DNAH12: variants seen among roughly 807,000 people sequenced by gnomAD.
The protein encoded by DNAH12 is axonemal beta dynein heavy chain 12.
DNAH12 carries 285 observed loss-of-function variants against 371.5 expected under a neutral mutation model. That is an observed-to-expected ratio of 0.77 (90% CI 0.70 to 0.85). DNAH12 has a LOEUF of 0.85. DNAH12 is among the 40% of genes least tolerant of loss of function. The pLI is 0.00. For synonymous variants in DNAH12, 1,200 were observed against 1,213.0 expected, an observed-to-expected ratio of 0.99 and a Z score of 0.22; for missense variants, 3,611 against 3,689.4, an observed-to-expected ratio of 0.98 and a Z score of 0.55.
At chr3:57,354,960 G>C in intron 59 of DNAH12, among the ~76,000 whole-genome samples, 1 of 152,144 alleles carries the variant, frequency 6.6e-6, no homozygotes, top group East Asian at 1.9e-4. Context: ...TGGTTGCCAA[G>C]GGTTACGGAA....
chr3:57,502,603 G>A (rs1049547307), intron 9 of DNAH12, 124 bp from the exon 10 acceptor site: 27 of 1,001,914 alleles, frequency 2.7e-5, no homozygotes, highest in African/African-American at 3.3e-5. Flanking sequence ...AGGTTGGAGC[G>A]CATTGGTGCG....
At chr3:57,336,881 T>G (rs1156258244) in intron 60 of DNAH12, among the ~76,000 whole-genome samples, 1 of 152,186 alleles carries the variant, frequency 6.6e-6, no homozygotes, top group Non-Finnish European at 1.5e-5. Flanking sequence ...AATCCTAAAT[T>G]ACTTGAGCAG....
chr3:57,394,664 A>G (rs2063700126), intron 43 of DNAH12, among the ~76,000 whole-genome samples: 1 of 152,236 alleles, frequency 6.6e-6, no homozygotes, highest in Non-Finnish European at 1.5e-5. Context: ...GAATATATAA[A>G]GGCCAGTAAC....
chr3:57,555,313 C>G, the DNAH12 span, among the ~76,000 whole-genome samples: 1 of 152,184 alleles, frequency 6.6e-6, no homozygotes, highest in Non-Finnish European at 1.5e-5. Context: ...TATTCCTTAT[C>G]TGAAATTGAA....
At chr3:57,466,234 A>C (rs2066199568) in intron 17 of DNAH12, among the ~76,000 whole-genome samples, 1 of 152,210 alleles carries the variant, frequency 6.6e-6, no homozygotes, top group African/African-American at 2.4e-5. Context: ...GTAAAAAGAT[A>C]GAAGGATAAG....
At chr3:57,316,296 C>T (rs1420310471) in intron 65 of DNAH12, among the ~76,000 whole-genome samples, 2 of 152,112 alleles carry the variant, frequency 1.3e-5, no homozygotes, top group Admixed American at 6.5e-5. Flanking sequence ...AACTCCTTAG[C>T]AAGGCATGTA....
Position 57,542,808 on chromosome 3 carries a change from G to T in DNAH12, c.63C>A (p.Pro21=). Residue 21 remains proline (P), a synonymous_variant, in exon 2 of 74, where the codon CCC becomes CCA. Transcript: ENST00000495027. ...TGTTTTCTGGGAGATGGACAATGGGGGGTAACTTCAAGTTCAGAGCTTCCT... is the reference window on the plus strand; with the variant it reads ...TGTTTTCTGGGAGATGGACAATGGGTGGTAACTTCAAGTTCAGAGCTTCCT... ...AEKEALNLKL[P]PIVHLPENIG... 1 of 1,608,052 alleles carries T rather than the reference G, an allele frequency of 6.2e-7. No homozygotes were observed. Among genetic ancestry groups the T allele is most frequent in the African/African-American group, 1.3e-5 (1 of 74,264 alleles).
intron 22 of DNAH12, among the ~76,000 whole-genome samples, 171 bp from the exon 23 acceptor site, chr3:57,455,065 T>C (rs1052552200): frequency 6.6e-6 from 1 of 152,104 alleles, no homozygotes; most frequent in African/African-American, 2.4e-5. Context: ...TAAATTATTA[T>C]TATGTTTTTG....
intron 65 of DNAH12, among the ~76,000 whole-genome samples, chr3:57,321,386 A>C (rs557098196): frequency 6.6e-6 from 1 of 152,296 alleles, no homozygotes; most frequent in African/African-American, 2.4e-5. Context: ...TTTCTAGCTC[A>C]AACATGAAAA....
rs1211815764 is a variant in DNAH12, at chr3:57,389,798, ATGTG to A, written c.7305+2070_7305+2073del. ...TATACATATAAATATATATACACAT[ATGTG>A]TGTGTGTGTGTGTGTGTGTGTATAT... On this transcript the variant is annotated intron_variant, in intron 45 of 73. Transcript: ENST00000495027. Among the ~76,000 whole-genome samples, 150 of 92,544 alleles carry A rather than the reference ATGTG, an allele frequency of 1.6e-3. 6 individuals carry two copies. Among genetic ancestry groups the A allele is most frequent in the South Asian group, 9.2e-3 (23 of 2,502 alleles). 60.7% of individuals were successfully genotyped at this position (92,544 alleles called of 152,430 possible). A position where few individuals can be genotyped will look rare whatever the true frequency, so the allele number is the denominator to read the frequency against.
intron 4 of DNAH12, among the ~76,000 whole-genome samples, chr3:57,516,053 CTTTTTTTTTTTTTTT>C (rs11395278): frequency 1.4e-5 from 1 of 71,964 alleles, no homozygotes; most frequent in Non-Finnish European, 2.4e-5. Flanking sequence ...ACTGCTTAGT[CTTTTTTTTTTTTTTT>C]TTTTTTTTTT....
intron 25 of DNAH12, among the ~76,000 whole-genome samples, chr3:57,452,012 C>T (rs925935831): frequency 6.6e-6 from 1 of 152,164 alleles, no homozygotes; most frequent in African/African-American, 2.4e-5. Flanking sequence ...GTGTGCTTTA[C>T]CCCCTTTCGT....
chr3:57,474,647 G>C (rs2066467433), intron 13 of DNAH12, among the ~76,000 whole-genome samples: 1 of 151,748 alleles, frequency 6.6e-6, no homozygotes, highest in South Asian at 2.1e-4. Context: ...TGAGCAATGG[G>C]TATTAAATTA....
At chr3:57,479,446 A>G (rs1424103872) in intron 13 of DNAH12, among the ~76,000 whole-genome samples, 1 of 152,204 alleles carries the variant, frequency 6.6e-6, no homozygotes, top group Non-Finnish European at 1.5e-5. Flanking sequence ...CTAGAAAGAG[A>G]CCTAGACTCC....
intron 30 of DNAH12, 25 bp from the exon 31 acceptor site, chr3:57,433,853 A>C (rs770109009): frequency 6.7e-7 from 1 of 1,484,372 alleles, no homozygotes; most frequent in Non-Finnish European, 8.9e-7. Flanking sequence ...AAATAATTAT[A>C]CAATAAGAGT....
intron 73 of DNAH12, among the ~76,000 whole-genome samples, chr3:57,295,233 T>G (rs775851748): frequency 6.6e-6 from 1 of 152,090 alleles, no homozygotes; most frequent in Non-Finnish European, 1.5e-5. Context: ...AAAATATGGA[T>G]GGGCAGCTGT....
chr3:57,325,308 C>A (rs954379048), intron 62 of DNAH12, among the ~76,000 whole-genome samples: 4 of 152,248 alleles, frequency 2.6e-5, no homozygotes, highest in African/African-American at 9.6e-5. Flanking sequence ...AGCAGCCTAA[C>A]TGGGAGGCAC....
chr3:57,521,574 C>T (rs1170458051), intron 4 of DNAH12, among the ~76,000 whole-genome samples: 1 of 152,170 alleles, frequency 6.6e-6, no homozygotes, highest in Non-Finnish European at 1.5e-5. Flanking sequence ...TTCTGTTCCA[C>T]TAATCAAAGT....
intron 12 of DNAH12, among the ~76,000 whole-genome samples, chr3:57,484,477 T>C (rs958393156): frequency 6.6e-6 from 1 of 152,106 alleles, no homozygotes; most frequent in South Asian, 2.1e-4. Flanking sequence ...ATTCAATAAA[T>C]AGTGCTGGGA....
Sources: gnomAD v4.1 joint callset for allele counts (sites outside exome capture counted in the v4.1 genomes callset) on GRCh38, gnomAD v4.1.1 for gene constraint, MANE v1.5 for transcripts, NCBI Gene and HGNC (gene_info 2026-07-23, HGNC 2026-07-21) for gene names.